The following ERBB4 variants were observed in gnomAD, a reference collection of about 807,000 sequenced individuals.
The protein encoded by ERBB4 is receptor tyrosine-protein kinase erbB-4.
ERBB4 carries 42 observed loss-of-function variants against 158.0 expected under a neutral mutation model. The observed-to-expected ratio is 0.27, with a 90% CI of 0.21 to 0.34. The LOEUF is 0.34. ERBB4 is among the 10% of genes least tolerant of loss of function. The pLI, the probability that ERBB4 is intolerant of heterozygous loss-of-function variation, is 1.00. For missense variants in ERBB4, 1,333 were observed against 1,624.1 expected, an observed-to-expected ratio of 0.82 and a Z score of 3.08; for synonymous variants, 583 against 558.7, an observed-to-expected ratio of 1.04 and a Z score of -0.61.
chr2:212,172,678 G>T (rs1246865638), intron 1 of ERBB4, among the ~76,000 whole-genome samples: 1 of 152,024 alleles, frequency 6.6e-6, no homozygotes, highest in Non-Finnish European at 1.5e-5. Context: ...AATTAATACA[G>T]GAACTGAAAA....
intron 3 of ERBB4, among the ~76,000 whole-genome samples, chr2:211,894,848 GA>G (rs1191404803): frequency 6.6e-6 from 1 of 152,132 alleles, no homozygotes; most frequent in Admixed American, 6.5e-5. Flanking sequence ...AACGATCTAA[GA>G]TGGATAATTT....
intron 2 of ERBB4, among the ~76,000 whole-genome samples, chr2:211,999,264 AAAAT>A (rs1051228166): frequency 6.6e-6 from 1 of 151,876 alleles, no homozygotes; most frequent in African/African-American, 2.4e-5. Flanking sequence ...ATTTTGTGAT[AAAAT>A]AAATAATTAT....
chr2:212,490,118 A>C (rs993209771), intron 1 of ERBB4, among the ~76,000 whole-genome samples: 19 of 151,858 alleles, frequency 1.3e-4, no homozygotes, highest in Admixed American at 1.1e-3. Context: ...TTGCAAGAGC[A>C]CCTTTGTAAA....
chr2:211,878,846 A>C (rs1054389054), intron 3 of ERBB4, among the ~76,000 whole-genome samples: 1 of 152,134 alleles, frequency 6.6e-6, no homozygotes, highest in Non-Finnish European at 1.5e-5. Context: ...CAAAAATTGC[A>C]TTAGAGAAAA....
chr2:211,476,361 C>T (rs1305966160), intron 20 of ERBB4, among the ~76,000 whole-genome samples: 1 of 151,962 alleles, frequency 6.6e-6, no homozygotes, highest in Non-Finnish European at 1.5e-5. Flanking sequence ...CTTTGTGAGA[C>T]AAAAGAGAAT....
chr2:212,138,704 CTT>C (rs934947212), intron 1 of ERBB4, among the ~76,000 whole-genome samples: 1 of 152,076 alleles, frequency 6.6e-6, no homozygotes, highest in Non-Finnish European at 1.5e-5. Flanking sequence ...TAGTGTATAT[CTT>C]TTAGTATATA....
intron 1 of ERBB4, among the ~76,000 whole-genome samples, chr2:212,396,979 A>G (rs536507228): frequency 2.0e-4 from 31 of 152,302 alleles, no homozygotes; most frequent in African/African-American, 7.2e-4. Context: ...CAATAAATGT[A>G]TATTATTCCA....
chr2:211,660,466 T>C (rs2071381425), intron 15 of ERBB4, among the ~76,000 whole-genome samples: 1 of 152,232 alleles, frequency 6.6e-6, no homozygotes, highest in Non-Finnish European at 1.5e-5. Context: ...CTTACATTTC[T>C]AGCTTTGCTA....
chr2:211,705,102 A>G (rs952987644), intron 10 of ERBB4, among the ~76,000 whole-genome samples: 2 of 151,888 alleles, frequency 1.3e-5, no homozygotes, highest in African/African-American at 4.8e-5. Flanking sequence ...GATTACAGGC[A>G]CGCGCCACCA....
At chr2:212,284,380 C>A (rs2085878036) in intron 1 of ERBB4, among the ~76,000 whole-genome samples, 1 of 152,074 alleles carries the variant, frequency 6.6e-6, no homozygotes, top group Admixed American at 6.6e-5. Context: ...ACATTTAATT[C>A]TGCCGTCAGT....
Position 212,331,071 on chromosome 2 carries a change from T to C in ERBB4, c.83-206168A>G, listed in dbSNP as rs201676326. Among the ~76,000 whole-genome samples, 17 of 120,052 alleles carry C rather than the reference T, an allele frequency of 1.4e-4. 1 individual carries two copies. Among genetic ancestry groups the C allele is most frequent in the South Asian group, 2.8e-4 (1 of 3,556 alleles). The allele number at this position is 120,052 out of a possible 152,430, so 78.8% of individuals were successfully genotyped here. On this transcript the variant is annotated intron_variant, in intron 1 of 27. Coordinates refer to ENST00000342788, the MANE Select transcript of ERBB4 (RefSeq NM_005235.3). The stretch of plus-strand genomic sequence containing the variant: ...TATTTGTAATTTGTATATATATATA[T>C]ACACATATATATATATGCCCATAAC...
At chr2:212,019,390 T>C (rs1184496369) in intron 2 of ERBB4, among the ~76,000 whole-genome samples, 1 of 152,086 alleles carries the variant, frequency 6.6e-6, no homozygotes, top group Non-Finnish European at 1.5e-5. Flanking sequence ...TAAGGTTATC[T>C]ACAAAAATGC....
chr2:212,140,619 T>C (rs967041384), intron 1 of ERBB4, among the ~76,000 whole-genome samples: 4 of 151,226 alleles, frequency 2.6e-5, no homozygotes, highest in Non-Finnish European at 4.4e-5. Context: ...TTACTATCAA[T>C]ACTTTTGATA....
At position 211,387,091 on chromosome 2, in the gene ERBB4, G is replaced by A. The variant is rs1242168566; in HGVS notation, c.3243C>T (p.Tyr1081=). The stretch of plus-strand genomic sequence containing the variant: ...CTGGAATTGTGCTAGTTGGGGCTCT[G>A]TAGGGCACAGACACTCCTTGTTCAG... ...FAAEQGVSVP[Y]RAPTSTIPEA... Residue 1081 remains tyrosine (Y), a synonymous_variant, in exon 27 of 28, where the codon TAC becomes TAT. Coordinates refer to ENST00000342788, the MANE Select transcript of ERBB4 (RefSeq NM_005235.3). The A allele has an allele frequency of 6.2e-7, 1 of 1,613,828 alleles. No homozygotes were observed. Among genetic ancestry groups the A allele is most frequent in the Non-Finnish European group, 8.5e-7 (1 of 1,179,864 alleles).
chr2:212,396,023 A>C (rs2091015634), intron 1 of ERBB4, among the ~76,000 whole-genome samples: 1 of 152,182 alleles, frequency 6.6e-6, no homozygotes, highest in Non-Finnish European at 1.5e-5. Context: ...TGTGTTAATT[A>C]TAACTGATGG....
At chr2:212,194,518 A>T (rs571859202) in intron 1 of ERBB4, among the ~76,000 whole-genome samples, 20 of 152,140 alleles carry the variant, frequency 1.3e-4, no homozygotes, top group African/African-American at 4.8e-4. Flanking sequence ...CACTTGTGTC[A>T]AATGTGTGCT....
intron 1 of ERBB4, among the ~76,000 whole-genome samples, chr2:212,282,809 C>G (rs1690431582): frequency 6.6e-6 from 1 of 151,910 alleles, no homozygotes; most frequent in African/African-American, 2.4e-5. Context: ...GACAATATCA[C>G]TGGAAGTAAC....
intron 16 of ERBB4, among the ~76,000 whole-genome samples, chr2:211,641,283 G>A (rs1165965976): frequency 2.6e-5 from 4 of 151,950 alleles, no homozygotes; most frequent in African/African-American, 9.7e-5. Context: ...TGTCCCTTTT[G>A]TTTTGCTGAT....
At chr2:211,932,304 A>C (rs1218578692) in intron 3 of ERBB4, among the ~76,000 whole-genome samples, 1 of 151,920 alleles carries the variant, frequency 6.6e-6, no homozygotes, top group Non-Finnish European at 1.5e-5. Context: ...TTTATGCGTA[A>C]GTCTTAGAGT....
Sources: gnomAD v4.1 joint callset for allele counts (sites outside exome capture counted in the v4.1 genomes callset) on GRCh38, gnomAD v4.1.1 for gene constraint, MANE v1.5 for transcripts, NCBI Gene and HGNC (gene_info 2026-07-23, HGNC 2026-07-21) for gene names.